Variants in NR1H4 observed in about 807,000 individuals in gnomAD.
NR1H4 encodes the protein nuclear receptor subfamily 1 group H member 4.
A neutral mutation model predicts 58.5 loss-of-function variants in NR1H4; 23 were observed. That is an observed-to-expected ratio of 0.39 (90% CI 0.28 to 0.56). The LOEUF is 0.56. Among genes scored for constraint, NR1H4 ranks in the 20% least tolerant of loss-of-function variants. The probability of loss-of-function intolerance (pLI) is 0.58; values close to 1 mark genes in which losing one functional copy is unlikely to be tolerated. For synonymous variants in NR1H4, 214 were observed against 198.0 expected (o/e 1.08, Z -0.68); for missense variants, 487 against 576.9 (o/e 0.84, Z 1.60).
rs561823949 is a variant in NR1H4 at position 100,539,866 on chromosome 12, T to C, written c.932-806T>C. On this transcript the variant is annotated intron_variant, in intron 8 of 10. Transcript: ENST00000392986. The stretch of plus-strand genomic sequence containing the variant: ...GTAGTGGTGGGGAGTGTATTTTAGA[T>C]TGGGGAATGCTGGAGCAGAGGCTTG... Among the ~76,000 whole-genome samples, 151 of 152,124 alleles carry C rather than the reference T, an allele frequency of 9.9e-4. 1 individual carries two copies. In the Middle Eastern group the frequency reaches 0.014, roughly 14 times the overall value.
At chr12:100,476,569 TG>T (rs1490219375) in intron 1 of NR1H4, among the ~76,000 whole-genome samples, 1 of 152,216 alleles carries the variant, frequency 6.6e-6, no homozygotes, top group Non-Finnish European at 1.5e-5. Context: ...ATGCATATCA[TG>T]ATGTGATAGA....
chr12:100,481,685 C>T (rs868788916), intron 1 of NR1H4, among the ~76,000 whole-genome samples: 11 of 152,188 alleles, frequency 7.2e-5, no homozygotes, highest in African/African-American at 2.2e-4. Flanking sequence ...GAGGCCGAAG[C>T]TGGCAGATCA....
intron 3 of NR1H4, among the ~76,000 whole-genome samples, chr12:100,499,066 T>C (rs1000926888): frequency 6.6e-6 from 1 of 152,200 alleles, no homozygotes; most frequent in Non-Finnish European, 1.5e-5. Context: ...CATGCTTTAT[T>C]TGTATCAGAA....
At chr12:100,520,998 G>A (rs1372785218) in intron 4 of NR1H4, among the ~76,000 whole-genome samples, 3 of 151,926 alleles carry the variant, frequency 2.0e-5, no homozygotes, top group Admixed American at 6.6e-5. Context: ...ACATTTGTGT[G>A]GATTGTACAA....
chr12:100,511,530 C>A (rs1954115722), intron 4 of NR1H4, among the ~76,000 whole-genome samples: 1 of 152,120 alleles, frequency 6.6e-6, no homozygotes, highest in African/African-American at 2.4e-5. Context: ...TAGAAGAATA[C>A]AACTTTATTC....
At chr12:100,559,948 G>A (rs910097481) in intron 9 of NR1H4, among the ~76,000 whole-genome samples, 3 of 152,174 alleles carry the variant, frequency 2.0e-5, no homozygotes, top group South Asian at 4.1e-4. Flanking sequence ...TGCACCAATC[G>A]ACACTGTATC....
At chr12:100,480,768 T>C (rs758729672) in intron 1 of NR1H4, among the ~76,000 whole-genome samples, 2 of 152,168 alleles carry the variant, frequency 1.3e-5, no homozygotes, top group Non-Finnish European at 2.9e-5. Flanking sequence ...ATTCTCATAG[T>C]TCTGTGGGGC....
intron 9 of NR1H4, among the ~76,000 whole-genome samples, chr12:100,548,497 AT>A (rs1235992247): frequency 5.3e-5 from 8 of 152,010 alleles, no homozygotes; most frequent in African/African-American, 1.9e-4. Context: ...ATCTCCTCAT[AT>A]TTCTCAGGGT....
intron 1 of NR1H4, among the ~76,000 whole-genome samples, chr12:100,476,968 A>C (rs1324974982): frequency 6.6e-6 from 1 of 152,212 alleles, no homozygotes; most frequent in Non-Finnish European, 1.5e-5. Context: ...TCTACCAGTG[A>C]AGATGTAGCT....
chr12:100,548,161 A>T, intron 9 of NR1H4, among the ~76,000 whole-genome samples: 1 of 149,478 alleles, frequency 6.7e-6, no homozygotes, highest in East Asian at 2.0e-4. Flanking sequence ...AGGTCAGGAG[A>T]TTGAGACCAT....
intron 3 of NR1H4, among the ~76,000 whole-genome samples, chr12:100,501,815 A>G (rs998458991): frequency 6.6e-6 from 1 of 152,176 alleles, no homozygotes; most frequent in Non-Finnish European, 1.5e-5. Flanking sequence ...CCATCTATTG[A>G]TGTGGACAAA....
chr12:100,510,350 C>A (rs191680617), intron 3 of NR1H4, among the ~76,000 whole-genome samples: 9 of 152,134 alleles, frequency 5.9e-5, no homozygotes, highest in African/African-American at 2.2e-4. Flanking sequence ...ACTTTTTAAA[C>A]CCTCACACAT....
At chr12:100,558,878 C>G (rs1955396424) in intron 9 of NR1H4, among the ~76,000 whole-genome samples, 1 of 152,188 alleles carries the variant, frequency 6.6e-6, no homozygotes, top group Non-Finnish European at 1.5e-5. Flanking sequence ...GGTTTGAAAC[C>G]TAGTTCCACC....
At chr12:100,480,071 G>A (rs1192492295) in intron 1 of NR1H4, among the ~76,000 whole-genome samples, 1 of 152,118 alleles carries the variant, frequency 6.6e-6, no homozygotes, top group Admixed American at 6.5e-5. Context: ...TAGAATGTAA[G>A]CTCTTTGTCT....
chr12:100,552,199 T>C (rs1216519039), intron 9 of NR1H4, among the ~76,000 whole-genome samples: 4 of 152,200 alleles, frequency 2.6e-5, no homozygotes, highest in Non-Finnish European at 4.4e-5. Context: ...ATCTGGAACT[T>C]GACAGTCCAA....
At chr12:100,482,230 A>G (rs2136075398) in intron 1 of NR1H4, among the ~76,000 whole-genome samples, 1 of 152,280 alleles carries the variant, frequency 6.6e-6, no homozygotes, top group Non-Finnish European at 1.5e-5. Flanking sequence ...TCCAATAAAA[A>G]TGGTTACCAT....
At chr12:100,499,904 CA>C (rs1423636280) in intron 3 of NR1H4, 1 of 455,982 alleles carries the variant, frequency 2.2e-6, no homozygotes, top group East Asian at 7.0e-5. Flanking sequence ...TGGTCTTGGA[CA>C]AATTCCTTAA....
At chr12:100,502,111 A>C (rs1193891740) in intron 3 of NR1H4, among the ~76,000 whole-genome samples, 1 of 152,212 alleles carries the variant, frequency 6.6e-6, no homozygotes, top group African/African-American at 2.4e-5. Flanking sequence ...GCATTTTATA[A>C]ATACTATTTT....
chr12:100,515,165 CTTTTTTTTTTTTT>C (rs59404984), intron 4 of NR1H4, among the ~76,000 whole-genome samples: 1 of 94,860 alleles, frequency 1.1e-5, no homozygotes, highest in Admixed American at 1.2e-4. Flanking sequence ...TTTGTCAAAG[CTTTTTTTTTTTTT>C]TTTTTTTTTT....
Sources: gnomAD v4.1 joint callset for allele counts (sites outside exome capture counted in the v4.1 genomes callset) on GRCh38, gnomAD v4.1.1 for gene constraint, MANE v1.5 for transcripts, NCBI Gene and HGNC (gene_info 2026-07-23, HGNC 2026-07-21) for gene names.